MED24: variants seen among roughly 807,000 people sequenced by gnomAD.
The protein encoded by MED24 is mediator complex subunit 24, also known as mediator of RNA polymerase II transcription subunit 24.
A neutral mutation model predicts 118.8 loss-of-function variants in MED24; 74 were observed. That is an observed-to-expected ratio of 0.62 (90% confidence interval 0.52 to 0.76). The LOEUF is 0.76. Ranked by LOEUF, MED24 falls within the 30% of genes least tolerant of loss-of-function variation. The probability of loss-of-function intolerance (pLI) is 0.00; values close to 1 mark genes in which losing one functional copy is unlikely to be tolerated. For synonymous variants in MED24, 521 were observed against 523.9 expected, an observed-to-expected ratio of 0.99 and a Z score of 0.08; for missense variants, 1,041 against 1,278.9, an observed-to-expected ratio of 0.81 and a Z score of 2.84.
chr17:40,037,819 G>C (rs2144934128), intron 3 of MED24, among the ~76,000 whole-genome samples: 1 of 151,958 alleles, frequency 6.6e-6, no homozygotes, highest in Middle Eastern at 3.4e-3. Context: ...GCTGAGGCAG[G>C]AGAATGGCGT....
At chr17:40,042,001 T>C (rs558415536) in intron 3 of MED24, among the ~76,000 whole-genome samples, 41 of 152,322 alleles carry the variant, frequency 2.7e-4, no homozygotes, top group Middle Eastern at 3.4e-3. Context: ...AATGACAGAA[T>C]AGTGATGAGA....
In MED24 at chr17:40,020,137, C is replaced by G. The variant is rs181164525; in HGVS notation, c.2704+136G>C. Reference sequence around the variant, plus strand: ...ACAGGAGCCTGGGGGCCAGGACAGCCAACAATGAGGGGCATGGAGAGGGAA... The same window carrying G: ...ACAGGAGCCTGGGGGCCAGGACAGCGAACAATGAGGGGCATGGAGAGGGAA... On this transcript the variant is annotated intron_variant, in intron 24 of 25. Transcript: ENST00000394128. 96 of 1,069,336 alleles carry G rather than the reference C, an allele frequency of 9.0e-5. 2 individuals carry two copies. The Middle Eastern group carries it at 2.6e-3, about 29-fold the overall frequency. 66.2% of individuals were successfully genotyped at this position (1,069,336 alleles called of 1,614,324 possible).
At chr17:40,022,955 A>G in intron 20 of MED24, 129 bp from the exon 21 acceptor site, 1 of 1,344,388 alleles carries the variant, frequency 7.4e-7, no homozygotes, top group African/African-American at 1.5e-5. Flanking sequence ...TCCGCCCCTC[A>G]GGCTGAATCC....
chr17:40,035,661 A>G, intron 5 of MED24, 61 bp downstream of exon 5: 1 of 1,555,104 alleles, frequency 6.4e-7, no homozygotes, highest in South Asian at 1.1e-5. Context: ...TAGGAGCTGC[A>G]CCTCTGCACA....
chr17:40,052,066 G>A (rs1056961482), intron 3 of MED24, among the ~76,000 whole-genome samples: 8 of 151,992 alleles, frequency 5.3e-5, no homozygotes, highest in Non-Finnish European at 8.8e-5. Flanking sequence ...AGGCCAAGGC[G>A]GGCGGATCAC....
chr17:40,035,658 T>C (rs186333251), intron 5 of MED24, 64 bp downstream of exon 5: 2 of 1,547,398 alleles, frequency 1.3e-6, no homozygotes, highest in East Asian at 4.5e-5. Context: ...TGCTAGGAGC[T>C]GCACCTCTGC....
At chr17:40,045,773 A>C (rs1402672881) in intron 3 of MED24, among the ~76,000 whole-genome samples, 1 of 152,010 alleles carries the variant, frequency 6.6e-6, no homozygotes, top group Non-Finnish European at 1.5e-5. Context: ...AAGGATCCTG[A>C]CTCTACACAT....
In MED24 at chr17:40,035,331, C is replaced by T; in HGVS notation, c.345G>A (p.Glu115=). 1.3e-6 allele frequency: 2 copies of T among 1,592,410 alleles called. No individual in the cohort carries two copies. The highest frequency in any genetic ancestry group is 1.3e-5 in the African/African-American group (1 of 74,416). The change falls in exon 6 of 26, where the codon GAG becomes GAA. Residue 115 remains glutamate, a synonymous_variant. Coordinates refer to ENST00000394128, the MANE Select transcript of MED24 (RefSeq NM_014815.4). ...CDRLSCHGKA[E]ECIGLCRALL... ...GGGCTCGGCACAGTCCGATGCATTC[C>T]TCTGCTTTGCCGTGACAGCTACAGG... is the stretch of plus-strand genomic sequence containing the variant.
At position 40,031,704 on chromosome 17, in the gene MED24, C is replaced by T. The variant is rs561025928; in HGVS notation, c.985-84G>A. The T allele has an allele frequency of 1.5e-4, 193 of 1,323,962 alleles. No individual in the cohort carries two copies. In the African/African-American group the frequency reaches 2.5e-3, roughly 17 times the overall value. The allele number at this position is 1,323,962 out of a possible 1,614,324, so 82.0% of individuals were successfully genotyped here. A position where few individuals can be genotyped will look rare whatever the true frequency, so the allele number is the denominator to read the frequency against. ...AGGCAACCTTGTCTGCTGGAGGCAT[C>T]GGCCTGAGTTGCCTGGCTGCTTTCT... is the stretch of plus-strand genomic sequence containing the variant. On this transcript the variant is annotated intron_variant, in intron 10 of 25. Transcript: ENST00000394128.
chr17:40,031,456 C>T, intron 11 of MED24, 82 bp downstream of exon 11: 1 of 1,440,690 alleles, frequency 6.9e-7, no homozygotes. Flanking sequence ...ACAGAGTCCC[C>T]TGAGGCTTCT....
chr17:40,044,763 C>T (rs767175339), intron 3 of MED24, among the ~76,000 whole-genome samples: 1 of 151,138 alleles, frequency 6.6e-6, no homozygotes, highest in African/African-American at 2.4e-5. Flanking sequence ...CCTGTAGTCC[C>T]AGCTACTTGG....
chr17:40,038,106 A>G (rs1213335133), intron 3 of MED24, among the ~76,000 whole-genome samples: 1 of 151,678 alleles, frequency 6.6e-6, no homozygotes, highest in Non-Finnish European at 1.5e-5. Flanking sequence ...TACTTGACCA[A>G]GGAATTTCAT....
At chr17:40,020,376 C>T (rs770450617) in intron 23 of MED24, 23 bp from the exon 24 acceptor site, 40 of 1,577,462 alleles carry the variant, frequency 2.5e-5, no homozygotes, top group Middle Eastern at 1.7e-4. Context: ...GCAGATGGAG[C>T]GCTGGGAAAC....
chr17:40,028,023 C>A, intron 14 of MED24, 77 bp from the exon 15 acceptor site: 1 of 1,424,334 alleles, frequency 7.0e-7, no homozygotes, highest in South Asian at 1.1e-5. Context: ...TACACATGTT[C>A]AGAGAGCGAT....
chr17:40,035,237 C>G lies in MED24; in HGVS notation c.439G>C (p.Glu147Gln). Residue 147 changes from glutamate (E) to glutamine (Q), a missense_variant, in exon 6 of 26, where the codon GAG (glutamate) becomes CAG (glutamine). Physicochemically the swap from Glu to Gln is conservative, Grantham distance 29 (BLOSUM62 2). Coordinates refer to ENST00000394128, the MANE Select transcript of MED24 (RefSeq NM_014815.4). ...ASAERLREGL[E>Q]AGTPAAGEKQ... ...TCCCCAGCGGCTGGAGTGCCGGCCT[C>G]CAGCCCCTCCCGCAGCCGCTCTGCA... 6.2e-7 allele frequency: 1 copy of G among 1,613,868 alleles called. No individual in the cohort carries two copies. The highest frequency in any genetic ancestry group is 8.5e-7 in the Non-Finnish European group (1 of 1,180,004).
At chr17:40,053,910 C>A in intron 1 of MED24, 1 of 570,294 alleles carries the variant, frequency 1.8e-6, no homozygotes, top group South Asian at 2.1e-5. Flanking sequence ...GCGGGCGAAT[C>A]ACCGGAGGTC....
Position 40,019,830 on chromosome 17 carries a change from C to A in MED24, c.2808G>T (p.Glu936Asp). ...GCAGGACGCTGCCACGGCCACCCTG[C>A]TCCAGGCAGTCCACACACTCCTCCA... The part of the protein sequence containing the change: ...WFMEECVDCL[E>D]QGGRGSVLQF... Residue 936 changes from glutamate to aspartate, a missense_variant, in exon 25 of 26, where the codon GAG becomes GAT. By Grantham distance (45) the Glu-to-Asp change is conservative. This residue lies in a region of MED24 where 587 missense variants were observed against 694.4 expected (regional missense o/e 0.85). Coordinates refer to ENST00000394128, the MANE Select transcript of MED24 (RefSeq NM_014815.4). 1 of 1,602,346 alleles carries A rather than the reference C, an allele frequency of 6.2e-7. No individual in the cohort carries two copies. Among genetic ancestry groups the A allele is most frequent in the Non-Finnish European group, 8.5e-7 (1 of 1,174,130 alleles).
chr17:40,039,647 G>C (rs1241695376), intron 3 of MED24, among the ~76,000 whole-genome samples: 1 of 151,954 alleles, frequency 6.6e-6, no homozygotes, highest in Non-Finnish European at 1.5e-5. Context: ...CTCTTCTATT[G>C]GTCTGTTTGT....
chr17:40,026,550 G>A, intron 18 of MED24, 97 bp downstream of exon 18: 4 of 1,256,102 alleles, frequency 3.2e-6, no homozygotes. Flanking sequence ...ATGAGCTCCT[G>A]GATTAAAGGT....
Sources: gnomAD v4.1 joint callset for allele counts (sites outside exome capture counted in the v4.1 genomes callset) on GRCh38, gnomAD v4.1.1 for gene constraint, gnomAD v4.1.1 regional missense constraint, MANE v1.5 for transcripts, NCBI Gene and HGNC (gene_info 2026-07-23, HGNC 2026-07-21) for gene names.